Variants in CCDC138 observed in about 807,000 individuals in gnomAD.
CCDC138 encodes the protein coiled-coil domain-containing protein 138.
In CCDC138, 66 loss-of-function variants were observed where a neutral mutation model predicts 82.3. That is an observed-to-expected ratio of 0.80 (90% CI 0.66 to 0.98). CCDC138 has a LOEUF of 0.98. CCDC138 is among the 50% of genes least tolerant of loss of function. The pLI is 0.00. For missense variants in CCDC138, 816 were observed against 758.9 expected (o/e 1.08, Z -0.88); for synonymous variants, 297 against 265.4 (o/e 1.12, Z -1.16).
chr2:108,867,838 A>G (rs961712484), intron 13 of CCDC138, among the ~76,000 whole-genome samples: 10 of 152,230 alleles, frequency 6.6e-5, no homozygotes, highest in African/African-American at 7.2e-5. Flanking sequence ...ACTGGAATAA[A>G]AGCCTTACTA....
intron 5 of CCDC138, among the ~76,000 whole-genome samples, chr2:108,796,572 T>G (rs1311573742): frequency 2.0e-5 from 3 of 151,996 alleles, no homozygotes; most frequent in Non-Finnish European, 4.4e-5. Flanking sequence ...AAATATGGAG[T>G]CAGTCTCAGT....
At chr2:108,816,885 T>A (rs1343958159) in intron 10 of CCDC138, among the ~76,000 whole-genome samples, 1 of 152,156 alleles carries the variant, frequency 6.6e-6, no homozygotes, top group African/African-American at 2.4e-5. Context: ...TTTGTAGAGA[T>A]CAGACCTGGC....
At chr2:108,809,932 A>G (rs974050851) in intron 7 of CCDC138, among the ~76,000 whole-genome samples, 2 of 152,096 alleles carry the variant, frequency 1.3e-5, no homozygotes, top group African/African-American at 4.8e-5. Flanking sequence ...CAGCCTCCTG[A>G]GTAGCTGGGA....
At chr2:108,818,274 TC>T (rs1297906063) in intron 10 of CCDC138, among the ~76,000 whole-genome samples, 1 of 152,160 alleles carries the variant, frequency 6.6e-6, no homozygotes, top group East Asian at 1.9e-4. Flanking sequence ...ACCACTGTAC[TC>T]CAGCCTGGGC....
intron 1 of CCDC138, among the ~76,000 whole-genome samples, chr2:108,787,368 C>A (rs1210789673): frequency 6.6e-6 from 1 of 152,212 alleles, no homozygotes; most frequent in Non-Finnish European, 1.5e-5. Context: ...CTCTCCCCTT[C>A]CCTCCCTACA....
At chr2:108,814,114 A>G (rs1239948169) in intron 9 of CCDC138, among the ~76,000 whole-genome samples, 1 of 152,172 alleles carries the variant, frequency 6.6e-6, no homozygotes, top group Non-Finnish European at 1.5e-5. Context: ...CCAGGACTAC[A>G]ATTTCTGGGT....
intron 4 of CCDC138, 128 bp from the exon 5 acceptor site, chr2:108,794,412 T>G (rs1039898007): frequency 2.3e-6 from 2 of 861,574 alleles, no homozygotes; most frequent in African/African-American, 3.4e-5. Context: ...TATATTTTTC[T>G]TTGTCTCTCT....
chr2:108,791,856 TA>T, intron 4 of CCDC138, 54 bp downstream of exon 4: 1 of 1,491,240 alleles, frequency 6.7e-7, no homozygotes. Context: ...TCAAGTAGAG[TA>T]AATGAAGCTT....
chr2:108,827,362 TAAATA>T (rs1686784645), intron 10 of CCDC138, among the ~76,000 whole-genome samples: 2 of 152,120 alleles, frequency 1.3e-5, no homozygotes, highest in African/African-American at 2.4e-5. Context: ...GCTAGTAAAA[TAAATA>T]AAAGAGAAAA....
At chr2:108,848,776 A>G (rs937050758) in intron 12 of CCDC138, among the ~76,000 whole-genome samples, 2 of 152,218 alleles carry the variant, frequency 1.3e-5, no homozygotes, top group Non-Finnish European at 2.9e-5. Context: ...GTAATAATTT[A>G]TTTAATAAAT....
chr2:108,854,959 T>A (rs1692344776), intron 12 of CCDC138, among the ~76,000 whole-genome samples: 1 of 152,182 alleles, frequency 6.6e-6, no homozygotes, highest in African/African-American at 2.4e-5. Context: ...AAAACCATAT[T>A]TCATACTGAT....
At chr2:108,821,861 C>A (rs1574071365) in intron 10 of CCDC138, among the ~76,000 whole-genome samples, 1 of 148,212 alleles carries the variant, frequency 6.7e-6, no homozygotes, top group Non-Finnish European at 1.5e-5. Flanking sequence ...GGGAGAATTG[C>A]TTGAACCCAG....
intron 6 of CCDC138, among the ~76,000 whole-genome samples, chr2:108,800,210 G>T (rs1681668780): frequency 6.6e-6 from 1 of 152,062 alleles, no homozygotes; most frequent in Non-Finnish European, 1.5e-5. Context: ...TTACCTTCTG[G>T]AGAATATTAT....
At chr2:108,824,211 C>A (rs1686192001) in intron 10 of CCDC138, among the ~76,000 whole-genome samples, 1 of 152,026 alleles carries the variant, frequency 6.6e-6, no homozygotes, top group South Asian at 2.1e-4. Context: ...TTACTGTAAT[C>A]TTTTTACTTT....
chr2:108,812,016 G>C (rs922219679), intron 7 of CCDC138, among the ~76,000 whole-genome samples: 2 of 151,872 alleles, frequency 1.3e-5, no homozygotes, highest in African/African-American at 4.8e-5. Context: ...TTTATTGTAA[G>C]ATACCATAAG....
rs185600662 is a variant in CCDC138 at position 108,821,264 on chromosome 2, A to G, written c.1206+5159A>G. 3.0e-3 allele frequency among the ~76,000 whole-genome samples: 454 copies of G among 152,220 alleles called. 2 individuals are homozygous for G. The highest frequency in any genetic ancestry group is 5.5e-3 in the Non-Finnish European group (376 of 67,996). ...TCCCAGCTACTTTTGAGGCCGAGGC[A>G]GGAGAATTTCTTGAACCTGGGAGGC... On this transcript the variant is annotated intron_variant, in intron 10 of 14. Coordinates refer to ENST00000295124, the MANE Select transcript of CCDC138 (RefSeq NM_144978.3).
At chr2:108,807,113 T>C (rs1683001183) in intron 7 of CCDC138, among the ~76,000 whole-genome samples, 1 of 152,124 alleles carries the variant, frequency 6.6e-6, no homozygotes, top group Non-Finnish European at 1.5e-5. Context: ...CAGAATTGCA[T>C]AACTGAGAAT....
chr2:108,809,322 A>G (rs1683378557), intron 7 of CCDC138, among the ~76,000 whole-genome samples: 1 of 152,120 alleles, frequency 6.6e-6, no homozygotes, highest in Non-Finnish European at 1.5e-5. Flanking sequence ...TTTCATACAC[A>G]GTTTAGAATT....
At chr2:108,837,653 A>G (rs2169813) in intron 10 of CCDC138, among the ~76,000 whole-genome samples, 150,427 of 152,316 alleles carry the variant, frequency 0.99, 74,291 homozygotes, top group East Asian at 1. Flanking sequence ...TGCCAGTTAC[A>G]TAAAAGAATA....
Sources: gnomAD v4.1 joint callset for allele counts (sites outside exome capture counted in the v4.1 genomes callset) on GRCh38, gnomAD v4.1.1 for gene constraint, MANE v1.5 for transcripts, NCBI Gene and HGNC (gene_info 2026-07-23, HGNC 2026-07-21) for gene names.